CADM1: variants seen among roughly 807,000 people sequenced by gnomAD.
CADM1 encodes the protein TSLC-1.
Under a neutral mutation model 53.1 loss-of-function variants are expected in CADM1, and 15 were observed. The observed-to-expected ratio is 0.28, with a 90% CI of 0.19 to 0.44. CADM1 has a LOEUF of 0.44. Among genes scored for constraint, CADM1 ranks in the 20% least tolerant of loss-of-function variants. CADM1 has a pLI of 1.00. For synonymous variants in CADM1, 281 were observed against 243.0 expected, an observed-to-expected ratio of 1.16 and a Z score of -1.45; for missense variants, 434 against 611.3, an observed-to-expected ratio of 0.71 and a Z score of 3.06.
At chr11:115,423,277 GTTAT>G (rs1342281194) in intron 1 of CADM1, among the ~76,000 whole-genome samples, 5 of 152,220 alleles carry the variant, frequency 3.3e-5, no homozygotes, top group Non-Finnish European at 7.4e-5. Flanking sequence ...CAGTAATTTT[GTTAT>G]TTGAGTTTCC....
intron 1 of CADM1, among the ~76,000 whole-genome samples, chr11:115,503,545 G>A (rs1173275333): frequency 6.6e-6 from 1 of 152,194 alleles, no homozygotes; most frequent in Admixed American, 6.5e-5. Context: ...TTCCCGCAGA[G>A]GCGGCGACAG....
intron 1 of CADM1, among the ~76,000 whole-genome samples, chr11:115,419,440 C>A (rs535532518): frequency 6.6e-5 from 10 of 152,282 alleles, no homozygotes; most frequent in African/African-American, 2.4e-4. Flanking sequence ...CCTTTTGATG[C>A]CCCTCCCCTG....
intron 1 of CADM1, among the ~76,000 whole-genome samples, chr11:115,432,568 A>T (rs546717953): frequency 6.6e-6 from 1 of 152,272 alleles, no homozygotes; most frequent in South Asian, 2.1e-4. Context: ...TAATAAACAG[A>T]ATTTTTTAAA....
chr11:115,483,071 G>C (rs150804926), intron 1 of CADM1, among the ~76,000 whole-genome samples: 1 of 152,264 alleles, frequency 6.6e-6, no homozygotes, highest in East Asian at 1.9e-4. Flanking sequence ...AATCCAGTCT[G>C]TCCCAACTTT....
chr11:115,234,172 T>C (rs1941928659), intron 3 of CADM1, among the ~76,000 whole-genome samples: 1 of 152,200 alleles, frequency 6.6e-6, no homozygotes. Context: ...CTTGTCTCTG[T>C]TTACCCCAAG....
At chr11:115,455,757 A>G (rs1948670418) in intron 1 of CADM1, among the ~76,000 whole-genome samples, 1 of 152,210 alleles carries the variant, frequency 6.6e-6, no homozygotes, top group Admixed American at 6.5e-5. Context: ...TTAATTTGCT[A>G]TGTGGCCAAC....
At chr11:115,473,291 T>C (rs1266794078) in intron 1 of CADM1, among the ~76,000 whole-genome samples, 2 of 152,064 alleles carry the variant, frequency 1.3e-5, no homozygotes, top group Non-Finnish European at 2.9e-5. Flanking sequence ...AGGCCCCCTA[T>C]CTACAAAATT....
At chr11:115,341,938 A>G (rs1945459141) in intron 1 of CADM1, among the ~76,000 whole-genome samples, 1 of 152,322 alleles carries the variant, frequency 6.6e-6, no homozygotes, top group South Asian at 2.1e-4. Context: ...GCACATTATT[A>G]TACAAACTGG....
chr11:115,246,636 T>A (rs1942416637), intron 1 of CADM1, among the ~76,000 whole-genome samples: 1 of 152,222 alleles, frequency 6.6e-6, no homozygotes, highest in African/African-American at 2.4e-5. Context: ...GACCAAGTCA[T>A]CAAGATATTT....
At chr11:115,393,066 C>CAAAAAAAAAA (rs758785520) in intron 1 of CADM1, among the ~76,000 whole-genome samples, 1 of 50,214 alleles carries the variant, frequency 2.0e-5, no homozygotes, top group African/African-American at 7.5e-5. Flanking sequence ...CCATCTCTTC[C>CAAAAAAAAAA]AAAAAAAAAA....
chr11:115,175,573 A>G lies in CADM1; in HGVS notation c.*901T>C. On this transcript the variant is annotated 3_prime_UTR_variant, in exon 12 of 12. Transcript: ENST00000331581. Reference sequence around the variant, plus strand: ...GTGGCAACTCAAAATTTGTCCACTTATATAAAAGGAACAGACCTCACCTGT... The same window carrying G: ...GTGGCAACTCAAAATTTGTCCACTTGTATAAAAGGAACAGACCTCACCTGT... The G allele has an allele frequency of 1.0e-6, 1 of 985,452 alleles. No individual in the cohort carries two copies. Among genetic ancestry groups the G allele is most frequent in the Non-Finnish European group, 1.2e-6 (1 of 829,988 alleles). The allele number at this position is 985,452 out of a possible 1,614,324, so 61.0% of individuals were successfully genotyped here. A position where few individuals can be genotyped will look rare whatever the true frequency, so the allele number is the denominator to read the frequency against.
intron 1 of CADM1, among the ~76,000 whole-genome samples, chr11:115,405,577 T>C (rs575502583): frequency 1.3e-5 from 2 of 151,738 alleles, no homozygotes; most frequent in Admixed American, 1.3e-4. Flanking sequence ...CAAGAAAGAG[T>C]CCATCAACAG....
At chr11:115,336,168 T>C (rs1050699124) in intron 1 of CADM1, among the ~76,000 whole-genome samples, 8 of 152,288 alleles carry the variant, frequency 5.3e-5, no homozygotes, top group African/African-American at 1.2e-4. Flanking sequence ...TTTTACTGTA[T>C]GTGGAGGTGA....
chr11:115,197,905 A>C (rs1940237740), intron 9 of CADM1, among the ~76,000 whole-genome samples: 1 of 152,162 alleles, frequency 6.6e-6, no homozygotes, highest in Non-Finnish European at 1.5e-5. Flanking sequence ...AAGAAGAACA[A>C]TGACCTTCCT....
At chr11:115,331,205 T>C (rs1310168977) in intron 1 of CADM1, among the ~76,000 whole-genome samples, 1 of 152,192 alleles carries the variant, frequency 6.6e-6, no homozygotes, top group African/African-American at 2.4e-5. Flanking sequence ...AAGGAAGACA[T>C]TGTTCATAGC....
Position 115,244,870 on chromosome 11 carries a change from T to TGC in CADM1, c.125-4452_125-4451dup, listed in dbSNP as rs1942358563. 2.0e-5 allele frequency among the ~76,000 whole-genome samples: 3 copies of TGC among 152,262 alleles called. No individual in the cohort carries two copies. In the South Asian group the frequency reaches 6.2e-4, roughly 31 times the overall value. ...GAATGTAAAAGACCTTGTTTACTAC[T>TGC]GCTTCCTTCTTTCAGTGCTCGGCAC... On this transcript the variant is annotated intron_variant, in intron 1 of 11. Coordinates refer to ENST00000331581, the MANE Select transcript of CADM1 (RefSeq NM_001301043.2).
At chr11:115,485,546 T>G (rs1236229600) in intron 1 of CADM1, among the ~76,000 whole-genome samples, 3 of 152,150 alleles carry the variant, frequency 2.0e-5, no homozygotes, top group South Asian at 2.1e-4. Context: ...ATGGGGGCGG[T>G]TTCCCCCATA....
intron 1 of CADM1, among the ~76,000 whole-genome samples, chr11:115,397,945 T>C (rs1158077233): frequency 1.3e-5 from 2 of 152,114 alleles, no homozygotes; most frequent in African/African-American, 4.8e-5. Flanking sequence ...TTTGGGGAAA[T>C]GGGCACATCG....
chr11:115,237,047 G>T (rs777918793), intron 3 of CADM1, among the ~76,000 whole-genome samples: 1 of 152,142 alleles, frequency 6.6e-6, no homozygotes, highest in African/African-American at 2.4e-5. Flanking sequence ...CATAAACGAT[G>T]ATGAGTCAAA....
Sources: gnomAD v4.1 joint callset for allele counts (sites outside exome capture counted in the v4.1 genomes callset) on GRCh38, gnomAD v4.1.1 for gene constraint, MANE v1.5 for transcripts, NCBI Gene and HGNC (gene_info 2026-07-23, HGNC 2026-07-21) for gene names.